The following PCM1 variants were observed in gnomAD, a reference collection of about 807,000 sequenced individuals.
The protein encoded by PCM1 is pericentriolar material 1 protein.
Under a neutral mutation model 241.9 loss-of-function variants are expected in PCM1, and 157 were observed. The observed-to-expected ratio is 0.65, with a 90% CI of 0.57 to 0.74. The LOEUF is 0.74. Among genes scored for constraint, PCM1 ranks in the 30% least tolerant of loss-of-function variants. The pLI, the probability that PCM1 is intolerant of heterozygous loss-of-function variation, is 0.00. For missense variants in PCM1, 3,478 were observed against 2,360.1 expected (o/e 1.47, Z -9.81); for synonymous variants, 1,085 against 784.9 (o/e 1.38, Z -6.39).
At chr8:17,958,351 G>C (rs146530415) in intron 13 of PCM1, among the ~76,000 whole-genome samples, 275 of 152,160 alleles carry the variant, frequency 1.8e-3, no homozygotes, top group African/African-American at 5.7e-3. Context: ...GTTAAAGTTA[G>C]AACTATTAAT....
At chr8:17,937,605 A>G (rs985404808) in intron 4 of PCM1, among the ~76,000 whole-genome samples, 3 of 152,172 alleles carry the variant, frequency 2.0e-5, no homozygotes, top group Non-Finnish European at 4.4e-5. Context: ...TGGACTTTAT[A>G]CTATGTTATA....
At chr8:17,944,452 T>G (rs2063158029) in intron 6 of PCM1, among the ~76,000 whole-genome samples, 2 of 152,112 alleles carry the variant, frequency 1.3e-5, no homozygotes, top group African/African-American at 4.8e-5. Flanking sequence ...TAGGAGAACC[T>G]CAGTTGAGTA....
At chr8:18,018,900 A>ATG (rs2093517963) in intron 36 of PCM1, among the ~76,000 whole-genome samples, 1 of 33,788 alleles carries the variant, frequency 3.0e-5, no homozygotes, top group Non-Finnish European at 8.8e-5. Flanking sequence ...ATACATACAC[A>ATG]TATATATATA....
intron 2 of PCM1, among the ~76,000 whole-genome samples, chr8:17,932,265 C>G (rs1340456457): frequency 6.6e-6 from 1 of 151,962 alleles, no homozygotes; most frequent in African/African-American, 2.4e-5. Context: ...TTCTTTCCAC[C>G]ATATTTAAGG....
intron 6 of PCM1, among the ~76,000 whole-genome samples, chr8:17,941,187 C>T (rs748407662): frequency 1.2e-4 from 19 of 152,200 alleles, no homozygotes; most frequent in Non-Finnish European, 2.8e-4. Context: ...TGGTGCGAGG[C>T]ATAATTTCTT....
chr8:17,965,413 G>A (rs2074452336), intron 18 of PCM1, among the ~76,000 whole-genome samples: 1 of 152,148 alleles, frequency 6.6e-6, no homozygotes, highest in Admixed American at 6.5e-5. Context: ...AGATTCCAAG[G>A]GTTTTAGGAG....
At chr8:17,969,872 A>C in intron 22 of PCM1, 124 bp downstream of exon 22, 1 of 713,946 alleles carries the variant, frequency 1.4e-6, no homozygotes, top group Admixed American at 2.9e-5. Context: ...TGATGTTGGA[A>C]ATATGAAACT....
chr8:17,957,604 G>A lies in PCM1; in HGVS notation c.1869G>A (p.Glu623=). ...TTGCACAAGGTGAAGATGATGAGGA[G>A]GAGGAGGAAGAAGCAGAAGAGGAGG... is the stretch of plus-strand genomic sequence containing the variant. ...IHVAQGEDDE[E]EEEEAEEEGV... is the part of the protein sequence containing the mutation. Residue 623 remains glutamate, a synonymous_variant, in exon 13 of 39, where the codon GAG becomes GAA. Transcript: ENST00000325083. The A allele has an allele frequency of 6.3e-7, 1 of 1,574,828 alleles. No individual in the cohort carries two copies. Among genetic ancestry groups the A allele is most frequent in the Non-Finnish European group, 8.6e-7 (1 of 1,158,956 alleles).
chr8:17,987,442 T>A (rs2082986935), intron 26 of PCM1, among the ~76,000 whole-genome samples: 1 of 151,876 alleles, frequency 6.6e-6, no homozygotes, highest in Non-Finnish European at 1.5e-5. Flanking sequence ...TTTAAGAGAT[T>A]GGAGCACATT....
rs531661069 is a variant in PCM1, at chr8:18,002,841, C to T, written c.4828-3422C>T. Among the ~76,000 whole-genome samples the T allele has an allele frequency of 2.5e-3, 301 of 120,564 alleles. 8 individuals are homozygous for T. Among genetic ancestry groups the T allele is most frequent in the Non-Finnish European group, 3.9e-3 (251 of 64,408 alleles). The allele number at this position is 120,564 out of a possible 152,430, so 79.1% of individuals were successfully genotyped here. ...TGATGGTCAGTGATGATGAGCATTT[C>T]TTCATGTGTTTTTTGGCTGCATAAA... On this transcript the variant is annotated intron_variant, in intron 29 of 38. Transcript: ENST00000325083.
At chr8:17,938,181 C>G (rs775405371) in intron 4 of PCM1, among the ~76,000 whole-genome samples, 1 of 152,244 alleles carries the variant, frequency 6.6e-6, no homozygotes, top group South Asian at 2.1e-4. Context: ...GCTCCAAAAT[C>G]CAAAACTTTT....
chr8:17,971,474 G>T (rs997295376), intron 22 of PCM1, among the ~76,000 whole-genome samples: 3 of 152,172 alleles, frequency 2.0e-5, no homozygotes, highest in Non-Finnish European at 4.4e-5. Flanking sequence ...CTAGACGACC[G>T]ATGAGTACCT....
intron 2 of PCM1, among the ~76,000 whole-genome samples, chr8:17,931,880 A>G (rs1318965294): frequency 1.3e-5 from 2 of 152,168 alleles, no homozygotes; most frequent in African/African-American, 4.8e-5. Context: ...TTTAAAATAT[A>G]TTTCTAGTAT....
intron 32 of PCM1, 94 bp downstream of exon 32, chr8:18,010,762 C>G: frequency 6.3e-6 from 5 of 793,120 alleles, no homozygotes; most frequent in Non-Finnish European, 9.9e-6. Context: ...GCGGGTGGAT[C>G]ACGAGGTCAA....
chr8:17,953,076 A>C lies in PCM1; in HGVS notation c.1178A>C (p.Lys393Thr), dbSNP rs1334774248. ...PSASERLPDEKVELFSKMRVL... is the reference protein window; with the variant it reads ...PSASERLPDETVELFSKMRVL... ...GCTTCAGAACGTTTACCTGATGAGA[A>C]AGTCGAACTTTTTAGCAAAATGAGA... The change falls in exon 9 of 39, where the codon AAA (lysine) becomes ACA (threonine). Residue 393 changes from lysine to threonine, a missense_variant. By Grantham distance (78) the Lys-to-Thr change is moderately conservative (BLOSUM62 -1). Transcript: ENST00000325083. 1 of 1,605,548 alleles carries C rather than the reference A, an allele frequency of 6.2e-7. No individual in the cohort carries two copies. The highest frequency in any genetic ancestry group is 1.7e-5 in the Admixed American group (1 of 58,910).
chr8:17,972,095 G>A (rs2077049730), intron 22 of PCM1, among the ~76,000 whole-genome samples: 1 of 152,122 alleles, frequency 6.6e-6, no homozygotes, highest in South Asian at 2.1e-4. Flanking sequence ...TCTTTGATAA[G>A]GAACTTTTGC....
chr8:17,945,942 A>G (rs1031855190), intron 6 of PCM1, among the ~76,000 whole-genome samples: 2 of 152,204 alleles, frequency 1.3e-5, no homozygotes, highest in Non-Finnish European at 2.9e-5. Context: ...ATTAGGTAAA[A>G]TCGTTCAACT....
intron 29 of PCM1, among the ~76,000 whole-genome samples, chr8:18,001,181 G>A (rs2089285537): frequency 6.6e-6 from 1 of 152,158 alleles, no homozygotes; most frequent in Non-Finnish European, 1.5e-5. Context: ...AGTTAGTTAT[G>A]TTGATGGCTG....
rs777625653 is a variant in PCM1 at position 17,960,388 on chromosome 8, C to T, written c.2266C>T (p.Leu756=). 1 of 1,607,854 alleles carries T rather than the reference C, an allele frequency of 6.2e-7. No homozygotes were observed. The highest frequency in any genetic ancestry group is 1.1e-5 in the South Asian group (1 of 89,512). ...LKQLQEERKK[L]IDIQEKIQAL... The stretch of plus-strand genomic sequence containing the variant: ...ACAATTGCAGGAAGAAAGAAAGAAA[C>T]TGATTGACATTCAGGAGAAAATTCA... The change falls in exon 15 of 39, where the codon CTG becomes TTG. Residue 756 remains leucine (L), a synonymous_variant. Transcript: ENST00000325083.
Sources: gnomAD v4.1 joint callset for allele counts (sites outside exome capture counted in the v4.1 genomes callset) on GRCh38, gnomAD v4.1.1 for gene constraint, MANE v1.5 for transcripts, NCBI Gene and HGNC (gene_info 2026-07-23, HGNC 2026-07-21) for gene names.